Variants in TTLL9 observed in about 807,000 individuals in gnomAD.
The protein encoded by TTLL9 is tubulin tyrosine ligase like 9.
In TTLL9, 47 loss-of-function variants were observed where a neutral mutation model predicts 65.6. The observed-to-expected ratio is 0.72, with a 90% CI of 0.57 to 0.91. The LOEUF is 0.91. Ranked by LOEUF, TTLL9 falls within the 40% of genes least tolerant of loss-of-function variation. The pLI is 0.00. For missense variants in TTLL9, 537 were observed against 568.8 expected, an observed-to-expected ratio of 0.94 and a Z score of 0.57; for synonymous variants, 179 against 204.8, an observed-to-expected ratio of 0.87 and a Z score of 1.07.
At chr20:31,936,143 T>C (rs941861473) in intron 12 of TTLL9, among the ~76,000 whole-genome samples, 2 of 152,236 alleles carry the variant, frequency 1.3e-5, no homozygotes, top group African/African-American at 4.8e-5. Context: ...GCCCCAGCTT[T>C]CTGTCTGTAA....
Position 31,943,800 on chromosome 20 carries a change from C to T in TTLL9, c.*779C>T. On this transcript the variant is annotated 3_prime_UTR_variant, in exon 15 of 15. Coordinates refer to ENST00000535842, the MANE Select transcript of TTLL9 (RefSeq NM_001008409.5). ...TTGAGATTGGGAGCTGAGCCAGAAA[C>T]CGGAAAACCCTGGGCTCATGGGCAG... The T allele has an allele frequency of 2.2e-6, 1 of 456,686 alleles. No homozygotes were observed. The highest frequency in any genetic ancestry group is 3.3e-4 in the Middle Eastern group (1 of 3,074). 28.3% of individuals were successfully genotyped at this position (456,686 alleles called of 1,614,324 possible). A position where few individuals can be genotyped will look rare whatever the true frequency, so the allele number is the denominator to read the frequency against.
chr20:31,932,088 C>G (rs943992321), intron 10 of TTLL9, among the ~76,000 whole-genome samples: 1 of 152,170 alleles, frequency 6.6e-6, no homozygotes, highest in African/African-American at 2.4e-5. Flanking sequence ...CCTGTAATCC[C>G]AGCACTTTGG....
At position 31,919,881 on chromosome 20, in the gene TTLL9, GA is replaced by G; in HGVS notation, c.525del (p.Gly176AlafsTer8). On this transcript the variant is annotated frameshift_variant, in exon 7 of 15. Transcript: ENST00000535842. LOFTEE classifies it high-confidence loss of function. ...CACCCCAGGTAGCCCGGTCTCAAGGGAAAGGCATCTTCCTCTTCCGTAGGCT... is the reference window on the plus strand; with the variant it reads ...CACCCCAGGTAGCCCGGTCTCAAGGGAAGGCATCTTCCTCTTCCGTAGGCT... ...IMKPVARSQGKGIFLFRRLKD... is the reference protein window; with the variant it reads ...IMKPVARSQGXGIFLFRRLKD... The G allele has an allele frequency of 6.3e-7, 1 of 1,592,872 alleles. No homozygotes were observed. The highest frequency in any genetic ancestry group is 1.8e-5 in the Admixed American group (1 of 57,086).
intron 2 of TTLL9, among the ~76,000 whole-genome samples, chr20:31,881,737 C>T (rs2063120835): frequency 6.6e-6 from 1 of 151,534 alleles, no homozygotes; most frequent in African/African-American, 2.4e-5. Flanking sequence ...TCCTGCATAT[C>T]ACTTTATGAA....
At chr20:31,902,475 G>A (rs1163089118) in intron 4 of TTLL9, among the ~76,000 whole-genome samples, 1 of 152,014 alleles carries the variant, frequency 6.6e-6, no homozygotes, top group Non-Finnish European at 1.5e-5. Context: ...CTGCCTCCCG[G>A]TTTCATGCCC....
At chr20:31,879,912 G>A (rs1192923532) in intron 2 of TTLL9, 1 of 1,543,522 alleles carries the variant, frequency 6.5e-7, no homozygotes, top group South Asian at 1.2e-5. Flanking sequence ...GAGTCGACCT[G>A]ACCCAGATGC....
intron 6 of TTLL9, among the ~76,000 whole-genome samples, chr20:31,917,204 T>A (rs1403834720): frequency 6.6e-6 from 1 of 152,124 alleles, no homozygotes; most frequent in African/African-American, 2.4e-5. Context: ...TTCCCTACCC[T>A]CAGCAGCCCT....
intron 2 of TTLL9, among the ~76,000 whole-genome samples, chr20:31,884,929 A>G (rs1423545100): frequency 6.6e-6 from 1 of 152,234 alleles, no homozygotes; most frequent in Non-Finnish European, 1.5e-5. Context: ...TACTATCAGC[A>G]GGTAGAAAAC....
intron 3 of TTLL9, among the ~76,000 whole-genome samples, chr20:31,896,530 T>C (rs915909101): frequency 6.6e-6 from 1 of 152,060 alleles, no homozygotes; most frequent in African/African-American, 2.4e-5. Context: ...GTTTTTTTTG[T>C]TGTTGTTTTG....
intron 12 of TTLL9, among the ~76,000 whole-genome samples, chr20:31,935,779 G>A (rs979145939): frequency 1.3e-5 from 2 of 152,208 alleles, no homozygotes; most frequent in Non-Finnish European, 2.9e-5. Flanking sequence ...GGGTAGTCAG[G>A]TTAGGGGAGG....
chr20:31,939,047 C>A, intron 13 of TTLL9, 95 bp from the exon 14 acceptor site: 1 of 1,375,860 alleles, frequency 7.3e-7, no homozygotes, highest in Non-Finnish European at 9.6e-7. Flanking sequence ...GGACGGACAT[C>A]AGTTGGGCTC....
rs762647847 is a variant in TTLL9, at chr20:31,871,092, C to A, written c.-5-30C>A. 1.5e-5 allele frequency: 24 copies of A among 1,605,308 alleles called. No homozygotes were observed. The African/African-American group carries it at 2.9e-4, about 20-fold the overall frequency. On this transcript the variant is annotated intron_variant, in intron 1 of 14. Coordinates refer to ENST00000535842, the MANE Select transcript of TTLL9 (RefSeq NM_001008409.5). ...TCCCATCCATTCATCCATCCTCTCA[C>A]TCCTTCCTTCCATCCATTTCGGCCC...
Position 31,870,773 on chromosome 20 carries a change from GC to G in TTLL9, c.-176del. On this transcript the variant is annotated 5_prime_UTR_variant, in exon 1 of 15. It introduces an in-frame stop codon into an upstream open reading frame of the 5' UTR. Coordinates refer to ENST00000535842, the MANE Select transcript of TTLL9 (RefSeq NM_001008409.5). The surrounding 1 kb of genome is among the most constrained non-coding windows in gnomAD (Gnocchi z 6.6). Reference sequence around the variant, plus strand: ...GGCGGATGGGGGGATGTCGCCTAGAGCCCCCCGGCCGGCCCACAAACTCCCG... The same window carrying G: ...GGCGGATGGGGGGATGTCGCCTAGAGCCCCCGGCCGGCCCACAAACTCCCG... The G allele has an allele frequency of 2.0e-6, 1 of 493,172 alleles. No homozygotes were observed. The highest frequency in any genetic ancestry group is 4.0e-5 in the Admixed American group (1 of 25,146). 30.5% of individuals were successfully genotyped at this position (493,172 alleles called of 1,614,324 possible).
chr20:31,935,106 A>G (rs2064088360), intron 12 of TTLL9, among the ~76,000 whole-genome samples: 1 of 152,294 alleles, frequency 6.6e-6, no homozygotes, highest in South Asian at 2.1e-4. Flanking sequence ...AGTGAGATAT[A>G]GTCTTTGGAG....
intron 6 of TTLL9, among the ~76,000 whole-genome samples, chr20:31,915,339 GA>G (rs2063717987): frequency 2.0e-5 from 3 of 152,148 alleles, no homozygotes; most frequent in Non-Finnish European, 4.4e-5. Flanking sequence ...AAAATTGGCA[GA>G]GCGTGGTGGC....
intron 4 of TTLL9, among the ~76,000 whole-genome samples, chr20:31,900,701 C>T (rs1277466977): frequency 6.6e-6 from 1 of 152,138 alleles, no homozygotes; most frequent in Non-Finnish European, 1.5e-5. Flanking sequence ...GGGTTTCCTT[C>T]CCTGGATCCA....
chr20:31,939,083 G>A, intron 13 of TTLL9, 59 bp from the exon 14 acceptor site: 4 of 1,494,416 alleles, frequency 2.7e-6, no homozygotes, highest in Middle Eastern at 1.9e-4. Context: ...ACCTCACTTG[G>A]GTCTTAGGGC....
At chr20:31,937,563 C>CCCTCTTCCTTGGTGGG in intron 13 of TTLL9, 54 bp downstream of exon 13, 1 of 1,455,450 alleles carries the variant, frequency 6.9e-7, no homozygotes, top group Non-Finnish European at 9.5e-7. Flanking sequence ...CTGAGGCTCC[C>CCCTCTTCCTTGGTGGG]ACCAAGGAAG....
intron 3 of TTLL9, among the ~76,000 whole-genome samples, chr20:31,891,632 G>A (rs2063308886): frequency 6.6e-6 from 1 of 151,356 alleles, no homozygotes; most frequent in Middle Eastern, 3.5e-3. Context: ...GAGCCACCAT[G>A]CCCAGCCTAT....
Sources: allele counts gnomAD v4.1 joint callset (sites outside exome capture counted in the v4.1 genomes callset), GRCh38; gene constraint gnomAD v4.1.1; non-coding constraint Gnocchi (gnomAD v3.1); transcripts MANE v1.5; gene names NCBI Gene and HGNC (gene_info 2026-07-23, HGNC 2026-07-21).